The following AP3S1 variants were observed in gnomAD, a reference collection of about 807,000 sequenced individuals.
AP3S1 encodes the protein adaptor related protein complex 3 subunit sigma 1, also known as AP-3 complex subunit sigma-1.
AP3S1 carries 12 observed loss-of-function variants against 21.3 expected under a neutral mutation model. That is an observed-to-expected ratio of 0.56 (90% CI 0.36 to 0.91). AP3S1 has a LOEUF of 0.91. Among genes scored for constraint, AP3S1 ranks in the 40% least tolerant of loss-of-function variants. The pLI is 0.01. For synonymous variants in AP3S1, 48 were observed against 78.4 expected, an observed-to-expected ratio of 0.61 and a Z score of 2.05; for missense variants, 116 against 225.0, an observed-to-expected ratio of 0.52 and a Z score of 3.10.
At chr5:115,852,476 C>A (rs1162701608) in intron 1 of AP3S1, among the ~76,000 whole-genome samples, 2 of 152,140 alleles carry the variant, frequency 1.3e-5, no homozygotes, top group Admixed American at 6.5e-5. Flanking sequence ...ATAGCTCTCA[C>A]ATGCTATAAG....
chr5:115,850,334 G>T (rs1416972028), intron 1 of AP3S1, among the ~76,000 whole-genome samples: 2 of 152,140 alleles, frequency 1.3e-5, no homozygotes, highest in African/African-American at 2.4e-5. Flanking sequence ...ACATGAAAGG[G>T]TTATAAAATA....
intron 5 of AP3S1, among the ~76,000 whole-genome samples, chr5:115,911,884 A>T (rs907903434): frequency 6.6e-6 from 1 of 152,046 alleles, no homozygotes; most frequent in African/African-American, 2.4e-5. Context: ...AATAACTAAC[A>T]TCCATTAAAT....
At chr5:115,852,728 G>C (rs1250159975) in intron 1 of AP3S1, among the ~76,000 whole-genome samples, 1 of 152,048 alleles carries the variant, frequency 6.6e-6, no homozygotes, top group Non-Finnish European at 1.5e-5. Context: ...TTACAGTCTT[G>C]TGATTGGCTT....
chr5:115,844,096 T>C (rs1345985808), intron 1 of AP3S1, among the ~76,000 whole-genome samples: 2 of 152,242 alleles, frequency 1.3e-5, no homozygotes, highest in Non-Finnish European at 2.9e-5. Context: ...CGAGTGTTTT[T>C]TTGTCTTTCA....
chr5:115,871,082 C>T (rs1165873861), intron 3 of AP3S1, among the ~76,000 whole-genome samples: 26 of 152,138 alleles, frequency 1.7e-4, no homozygotes, highest in Admixed American at 1.6e-3. Flanking sequence ...AGCATGTCTG[C>T]CCTTGTTTGG....
chr5:115,890,545 A>G (rs1435909227), intron 3 of AP3S1, among the ~76,000 whole-genome samples: 2 of 152,182 alleles, frequency 1.3e-5, no homozygotes, highest in Non-Finnish European at 2.9e-5. Context: ...AATGCTGGTA[A>G]TGTTAAAACA....
At chr5:115,890,345 A>G (rs1750183798) in intron 3 of AP3S1, among the ~76,000 whole-genome samples, 1 of 152,230 alleles carries the variant, frequency 6.6e-6, no homozygotes, top group Admixed American at 6.5e-5. Flanking sequence ...TGTATTATGT[A>G]ATAACCTGAA....
At chr5:115,903,042 A>T (rs766658269) in intron 5 of AP3S1, 50 bp downstream of exon 5, 8 of 1,288,194 alleles carry the variant, frequency 6.2e-6, no homozygotes, top group Non-Finnish European at 2.2e-6. Flanking sequence ...ATGATGACAG[A>T]TTACGCATGA....
intron 3 of AP3S1, among the ~76,000 whole-genome samples, chr5:115,881,863 T>G (rs1749323539): frequency 6.6e-6 from 1 of 152,082 alleles, no homozygotes; most frequent in Admixed American, 6.6e-5. Flanking sequence ...GGTCTTTTCA[T>G]GTAGTGTCAT....
At chr5:115,844,125 T>A (rs913567935) in intron 1 of AP3S1, among the ~76,000 whole-genome samples, 1 of 152,272 alleles carries the variant, frequency 6.6e-6, no homozygotes, top group Non-Finnish European at 1.5e-5. Flanking sequence ...TTAAGATTAT[T>A]TATTTATACA....
intron 1 of AP3S1, among the ~76,000 whole-genome samples, chr5:115,866,253 G>T (rs1187332153): frequency 6.6e-6 from 1 of 152,184 alleles, no homozygotes; most frequent in Non-Finnish European, 1.5e-5. Context: ...TTAATTGGAA[G>T]CTCCATAGTT....
At chr5:115,883,759 G>A (rs453876) in intron 3 of AP3S1, among the ~76,000 whole-genome samples, 1 of 152,202 alleles carries the variant, frequency 6.6e-6, no homozygotes, top group South Asian at 2.1e-4. Context: ...ATTTTTAGGC[G>A]AAATACCATT....
chr5:115,885,687 T>C (rs1189275682), intron 3 of AP3S1, among the ~76,000 whole-genome samples: 1 of 152,172 alleles, frequency 6.6e-6, no homozygotes, highest in African/African-American at 2.4e-5. Flanking sequence ...CCAGAAACAA[T>C]ACTTTACCAG....
At chr5:115,889,088 A>C (rs765960100) in intron 3 of AP3S1, among the ~76,000 whole-genome samples, 1 of 152,162 alleles carries the variant, frequency 6.6e-6, no homozygotes, top group Non-Finnish European at 1.5e-5. Flanking sequence ...TTACCACTCC[A>C]TACTTTACCA....
At chr5:115,884,533 C>G (rs1443588607) in intron 3 of AP3S1, among the ~76,000 whole-genome samples, 1 of 152,176 alleles carries the variant, frequency 6.6e-6, no homozygotes, top group Non-Finnish European at 1.5e-5. Context: ...TGAAATCACA[C>G]CTTTGTACTC....
At chr5:115,881,700 G>A (rs1404088799) in intron 3 of AP3S1, among the ~76,000 whole-genome samples, 1 of 152,198 alleles carries the variant, frequency 6.6e-6, no homozygotes, top group East Asian at 1.9e-4. Flanking sequence ...TTTTCTCGAG[G>A]AGTAACTTTG....
chr5:115,871,884 A>T (rs376952340), intron 3 of AP3S1, among the ~76,000 whole-genome samples: 2 of 152,178 alleles, frequency 1.3e-5, no homozygotes, highest in South Asian at 2.1e-4. Flanking sequence ...CAGTGCACAG[A>T]TAAAATTGGC....
At chr5:115,906,237 T>A (rs1751644658) in intron 5 of AP3S1, among the ~76,000 whole-genome samples, 1 of 152,210 alleles carries the variant, frequency 6.6e-6, no homozygotes, top group South Asian at 2.1e-4. Context: ...TCAATATTTT[T>A]AAAAATTATT....
intron 5 of AP3S1, chr5:115,903,433 G>A (rs1580740957): frequency 1.3e-5 from 2 of 152,588 alleles, no homozygotes; most frequent in African/African-American, 4.8e-5. Context: ...AATGTTTCAA[G>A]TTATTAATAA....
Sources: gnomAD v4.1 joint callset for allele counts (sites outside exome capture counted in the v4.1 genomes callset) on GRCh38, gnomAD v4.1.1 for gene constraint, MANE v1.5 for transcripts, NCBI Gene and HGNC (gene_info 2026-07-23, HGNC 2026-07-21) for gene names.